The following CSMD1 variants were observed in gnomAD, a reference collection of about 807,000 sequenced individuals.
CSMD1 encodes the protein CUB and sushi domain-containing protein 1.
CSMD1 carries 213 observed loss-of-function variants against 417.5 expected under a neutral mutation model. The observed-to-expected ratio is 0.51, with a 90% CI of 0.46 to 0.57. The LOEUF (loss-of-function observed/expected upper bound fraction) is 0.57, where lower values mean the gene tolerates loss of function less well. Ranked by LOEUF, CSMD1 falls within the 20% of genes least tolerant of loss-of-function variation. The pLI is 0.00. For synonymous variants in CSMD1, 2,862 were observed against 1,736.8 expected, an observed-to-expected ratio of 1.65 and a Z score of -16.11; for missense variants, 6,923 against 4,529.7, an observed-to-expected ratio of 1.53 and a Z score of -15.17.
At chr8:3,344,719 G>A (rs1563292997) in intron 22 of CSMD1, among the ~76,000 whole-genome samples, 1 of 152,108 alleles carries the variant, frequency 6.6e-6, no homozygotes, top group African/African-American at 2.4e-5. Flanking sequence ...TCTTTATACA[G>A]ATTAATTTTT....
intron 2 of CSMD1, among the ~76,000 whole-genome samples, chr8:4,468,558 A>C (rs1241621545): frequency 6.6e-6 from 1 of 152,148 alleles, no homozygotes. Flanking sequence ...GTCCCCAGCT[A>C]AATCCTCCTT....
intron 7 of CSMD1, among the ~76,000 whole-genome samples, chr8:3,642,008 A>G (rs1797330554): frequency 6.6e-6 from 1 of 152,148 alleles, no homozygotes; most frequent in Admixed American, 6.6e-5. Flanking sequence ...CCCAGAAGCT[A>G]GGTTTCCCCC....
intron 12 of CSMD1, among the ~76,000 whole-genome samples, chr8:3,424,205 A>C (rs1050148084): frequency 2.0e-5 from 3 of 152,222 alleles, no homozygotes; most frequent in Non-Finnish European, 4.4e-5. Flanking sequence ...TAGTACAGGA[A>C]GCTCATTTGT....
intron 1 of CSMD1, among the ~76,000 whole-genome samples, chr8:4,972,539 C>T (rs1352265203): frequency 6.6e-6 from 1 of 152,108 alleles, no homozygotes; most frequent in Non-Finnish European, 1.5e-5. Flanking sequence ...TTTCCTGAAG[C>T]CTCCCAGCCA....
At chr8:3,762,317 T>C (rs575629975) in intron 5 of CSMD1, among the ~76,000 whole-genome samples, 6 of 152,196 alleles carry the variant, frequency 3.9e-5, no homozygotes, top group African/African-American at 7.2e-5. Context: ...TGGTCGTTTC[T>C]GGCTCTCCTT....
intron 15 of CSMD1, 144 bp from the exon 16 acceptor site, chr8:3,399,673 A>C (rs573208209): frequency 4.1e-5 from 25 of 615,848 alleles, no homozygotes; most frequent in Non-Finnish European, 5.9e-5. Context: ...TCCCAAGGAA[A>C]CTGTACATTT....
At position 3,918,616 on chromosome 8, in the gene CSMD1, G is replaced by A. The variant is rs765877185; in HGVS notation, c.818+79287C>T. 4.7e-4 allele frequency among the ~76,000 whole-genome samples: 71 copies of A among 151,954 alleles called. 1 individual carries two copies. Among genetic ancestry groups the A allele is most frequent in the Non-Finnish European group, 5.9e-5 (4 of 67,986 alleles). ...TATTGAATACGTGGTTTGCAATGTG[G>A]AACCAGCATAAATTCCCATCAAAAA... On this transcript the variant is annotated intron_variant, in intron 5 of 69. Coordinates refer to ENST00000635120, the MANE Select transcript of CSMD1 (RefSeq NM_033225.6).
chr8:4,004,303 T>G (rs967046777), intron 4 of CSMD1, among the ~76,000 whole-genome samples: 4 of 152,092 alleles, frequency 2.6e-5, no homozygotes, highest in Non-Finnish European at 5.9e-5. Flanking sequence ...TGGGAATTCT[T>G]AATCATAGTA....
chr8:3,108,861 T>A (rs1276169489), intron 43 of CSMD1, 113 bp from the exon 44 acceptor site: 1 of 1,021,108 alleles, frequency 9.8e-7, no homozygotes, highest in Non-Finnish European at 1.4e-6. Context: ...AACATATGCA[T>A]TCTCAGGATA....
intron 37 of CSMD1, among the ~76,000 whole-genome samples, chr8:3,178,948 CTTT>C (rs11347913): frequency 0.021 from 2,771 of 135,088 alleles, 33 homozygotes; most frequent in African/African-American, 0.045. Flanking sequence ...ATCTATATTT[CTTT>C]TTTTTTTTTT....
chr8:3,155,794 A>C (rs1819492807), intron 39 of CSMD1, among the ~76,000 whole-genome samples: 1 of 152,154 alleles, frequency 6.6e-6, no homozygotes, highest in Admixed American at 6.5e-5. Context: ...TATATTTTTC[A>C]CTTGTAAGCA....
intron 3 of CSMD1, among the ~76,000 whole-genome samples, chr8:4,372,746 GA>G (rs11350132): frequency 0.42 from 60,882 of 145,306 alleles, 13,218 homozygotes; most frequent in African/African-American, 0.59. Flanking sequence ...GGAGGCAAAA[GA>G]AAAAAAAAAA....
chr8:2,962,621 G>C lies in CSMD1; in HGVS notation c.9473C>G (p.Pro3158Arg), dbSNP rs762801986. The C allele has an allele frequency of 3.1e-6, 5 of 1,613,810 alleles. No individual in the cohort carries two copies. The highest frequency in any genetic ancestry group is 2.2e-5 in the East Asian group (1 of 44,840). The change falls in exon 61 of 70, where the codon CCT (proline) becomes CGT (arginine). Residue 3158 changes from proline (P) to arginine (R), a missense_variant. Pro to Arg is a moderately radical substitution (Grantham distance 103). Transcript: ENST00000635120. ...PQCLPVFCGD[P>R]GIPAEGRLSG... ...AAGTCGCCCTTCTGCGGGGATGCCA[G>C]GGTCTCCGCAGAACACAGCTATGGA...
intron 1 of CSMD1, among the ~76,000 whole-genome samples, chr8:4,746,414 G>C (rs147048212): frequency 6.6e-6 from 1 of 152,182 alleles, no homozygotes; most frequent in Non-Finnish European, 1.5e-5. Flanking sequence ...GGCAAATGCA[G>C]CATTTTCTTC....
At chr8:3,912,532 G>T (rs547454415) in intron 5 of CSMD1, among the ~76,000 whole-genome samples, 1 of 152,292 alleles carries the variant, frequency 6.6e-6, no homozygotes, top group East Asian at 1.9e-4. Context: ...AACAGAGGGG[G>T]CTGGTTAATC....
chr8:3,917,773 T>C (rs959777502), intron 5 of CSMD1, among the ~76,000 whole-genome samples: 2 of 152,104 alleles, frequency 1.3e-5, no homozygotes, highest in Non-Finnish European at 2.9e-5. Flanking sequence ...CTGCCAAAGA[T>C]TCCCCCCACA....
At chr8:4,017,511 G>C (rs1183492545) in intron 4 of CSMD1, among the ~76,000 whole-genome samples, 1 of 151,986 alleles carries the variant, frequency 6.6e-6, no homozygotes, top group African/African-American at 2.4e-5. Flanking sequence ...TCTCCATGTT[G>C]GTCAGGCTGG....
At chr8:3,917,997 A>C (rs1006267473) in intron 5 of CSMD1, among the ~76,000 whole-genome samples, 1 of 152,112 alleles carries the variant, frequency 6.6e-6, no homozygotes, top group African/African-American at 2.4e-5. Context: ...TGTCTTCCCG[A>C]TTCACGCATG....
At chr8:4,922,386 C>T (rs534789967) in intron 1 of CSMD1, among the ~76,000 whole-genome samples, 51 of 152,220 alleles carry the variant, frequency 3.4e-4, no homozygotes, top group African/African-American at 1.2e-3. Flanking sequence ...CAATATTTTA[C>T]AAAATCCTGT....
Sources: gnomAD v4.1 joint callset for allele counts (sites outside exome capture counted in the v4.1 genomes callset) on GRCh38, gnomAD v4.1.1 for gene constraint, MANE v1.5 for transcripts, NCBI Gene and HGNC (gene_info 2026-07-23, HGNC 2026-07-21) for gene names.